The following OLFM2 variants were observed in gnomAD, a reference collection of about 807,000 sequenced individuals.
The protein encoded by OLFM2 is olfactomedin 2, also known as noelin-2.
In OLFM2, 20 loss-of-function variants were observed where a neutral mutation model predicts 43.9. That is an observed-to-expected ratio of 0.46 (90% CI 0.32 to 0.66). The LOEUF (loss-of-function observed/expected upper bound fraction) is 0.66. Ranked by LOEUF, OLFM2 falls within the 30% of genes least tolerant of loss-of-function variation. The probability of loss-of-function intolerance (pLI) is 0.04; values close to 1 mark genes in which losing one functional copy is unlikely to be tolerated. For missense variants in OLFM2, 416 were observed against 643.6 expected (o/e 0.65, Z 3.83); for synonymous variants, 268 against 278.6 (o/e 0.96, Z 0.38).
chr19:9,871,853 G>A (rs1351536619), intron 1 of OLFM2, among the ~76,000 whole-genome samples: 3 of 152,176 alleles, frequency 2.0e-5, no homozygotes, highest in Non-Finnish European at 2.9e-5. Context: ...CCTGGCACAA[G>A]GTATGTTTGT....
intron 1 of OLFM2, among the ~76,000 whole-genome samples, chr19:9,876,282 G>T (rs768199514): frequency 6.6e-6 from 1 of 152,146 alleles, no homozygotes; most frequent in South Asian, 2.1e-4. Flanking sequence ...GGAAAAGGTC[G>T]CCATGGGGGA....
At chr19:9,895,310 G>A (rs2046673771) in intron 1 of OLFM2, among the ~76,000 whole-genome samples, 1 of 151,850 alleles carries the variant, frequency 6.6e-6, no homozygotes, top group African/African-American at 2.4e-5. Flanking sequence ...CAACATACTA[G>A]GACCCTAACT....
intron 1 of OLFM2, among the ~76,000 whole-genome samples, chr19:9,924,301 G>C (rs1282042995): frequency 2.0e-5 from 3 of 146,604 alleles, no homozygotes; most frequent in South Asian, 2.1e-4. Flanking sequence ...AGCTATTCGG[G>C]AAGCTGAGGT....
intron 1 of OLFM2, among the ~76,000 whole-genome samples, chr19:9,916,375 G>A (rs761081734): frequency 6.6e-6 from 1 of 152,126 alleles, no homozygotes. Flanking sequence ...AAAAAAAGAT[G>A]AGTTCTTGCC....
At chr19:9,931,830 A>G (rs1055820782) in intron 1 of OLFM2, among the ~76,000 whole-genome samples, 9 of 152,280 alleles carry the variant, frequency 5.9e-5, no homozygotes, top group East Asian at 3.9e-4. Flanking sequence ...TGGTCTCCCA[A>G]AATGCTGGGA....
chr19:9,915,770 G>A (rs1023907927), intron 1 of OLFM2, among the ~76,000 whole-genome samples: 7 of 152,068 alleles, frequency 4.6e-5, no homozygotes, highest in East Asian at 1.9e-4. Flanking sequence ...TGCCCACCTC[G>A]GCCTCCCAAA....
chr19:9,889,381 T>G (rs1448077774), intron 1 of OLFM2, among the ~76,000 whole-genome samples: 1 of 152,104 alleles, frequency 6.6e-6, no homozygotes, highest in African/African-American at 2.4e-5. Flanking sequence ...CCCAAGTAGC[T>G]GGGACTACAG....
At chr19:9,858,693 C>A (rs552194287) in intron 2 of OLFM2, among the ~76,000 whole-genome samples, 237 of 152,356 alleles carry the variant, frequency 1.6e-3, no homozygotes, top group Middle Eastern at 3.4e-3. Flanking sequence ...CCACCTCCAC[C>A]TGGCTACGGT....
chr19:9,924,406 CA>C (rs1166738814), intron 1 of OLFM2, among the ~76,000 whole-genome samples: 315 of 25,778 alleles, frequency 0.012, no homozygotes, highest in African/African-American at 0.024. Context: ...ACTCTGTCTC[CA>C]AAAAAAAAAA....
intron 1 of OLFM2, among the ~76,000 whole-genome samples, chr19:9,928,713 G>A (rs1194557748): frequency 6.6e-6 from 1 of 151,980 alleles, no homozygotes; most frequent in African/African-American, 2.4e-5. Context: ...GCTGAGGCAT[G>A]AGAATTGCTT....
intron 1 of OLFM2, among the ~76,000 whole-genome samples, chr19:9,905,671 G>A (rs2046779978): frequency 6.6e-6 from 1 of 151,208 alleles, no homozygotes; most frequent in Non-Finnish European, 1.5e-5. Context: ...TGAGCCACTA[G>A]TGCTGAAGGG....
chr19:9,914,822 C>T (rs1232038961), intron 1 of OLFM2, among the ~76,000 whole-genome samples: 1 of 152,014 alleles, frequency 6.6e-6, no homozygotes, highest in Admixed American at 6.5e-5. Context: ...CACTCACGCC[C>T]CCTCCTGGCG....
At position 9,854,091 on chromosome 19, in the gene OLFM2, G is replaced by T; in HGVS notation, c.*95C>A. On this transcript the variant is annotated 3_prime_UTR_variant, in exon 6 of 6. Coordinates refer to ENST00000264833, the MANE Select transcript of OLFM2 (RefSeq NM_058164.4). The surrounding 1 kb of genome is among the most constrained non-coding windows in gnomAD (Gnocchi z 9.5). ...AGGCGGGGAGAAAGGGCGTGACAGA[G>T]ACAGAGAGATCACCCTTGAGGGACA... The T allele has an allele frequency of 1.8e-6, 2 of 1,131,086 alleles. No homozygotes were observed. The highest frequency in any genetic ancestry group is 1.3e-6 in the Non-Finnish European group (1 of 767,742). The allele number at this position is 1,131,086 out of a possible 1,614,324, so 70.1% of individuals were successfully genotyped here. A position where few individuals can be genotyped will look rare whatever the true frequency, so the allele number is the denominator to read the frequency against.
chr19:9,864,689 C>T (rs2046386849), intron 1 of OLFM2, among the ~76,000 whole-genome samples: 9 of 151,562 alleles, frequency 5.9e-5, no homozygotes, highest in Admixed American at 5.9e-4. Context: ...TGGTGCAATC[C>T]TAGCTTACTG....
intron 1 of OLFM2, among the ~76,000 whole-genome samples, chr19:9,911,587 G>A (rs1879483417): frequency 6.6e-6 from 1 of 152,124 alleles, no homozygotes; most frequent in Admixed American, 6.6e-5. Flanking sequence ...CACACTTGCA[G>A]TTATATGCAC....
chr19:9,932,835 C>T (rs115214929), intron 1 of OLFM2, among the ~76,000 whole-genome samples: 2,954 of 152,218 alleles, frequency 0.019, 91 homozygotes, highest in African/African-American at 0.068. Flanking sequence ...AACTGTCAAG[C>T]TCTCTGGTAG....
At chr19:9,915,740 A>T (rs940338062) in intron 1 of OLFM2, among the ~76,000 whole-genome samples, 2 of 151,948 alleles carry the variant, frequency 1.3e-5, no homozygotes, top group South Asian at 2.1e-4. Context: ...GGATGGTCTC[A>T]ATCTCCTGAC....
intron 1 of OLFM2, among the ~76,000 whole-genome samples, chr19:9,933,969 C>G (rs2086500012): frequency 6.6e-6 from 1 of 152,170 alleles, no homozygotes; most frequent in African/African-American, 2.4e-5. Flanking sequence ...TTTTCTGTCT[C>G]CTCTGCTAGG....
intron 1 of OLFM2, among the ~76,000 whole-genome samples, chr19:9,909,781 A>C (rs914744118): frequency 6.6e-6 from 1 of 152,164 alleles, no homozygotes; most frequent in African/African-American, 2.4e-5. Flanking sequence ...GTCCTGAGGA[A>C]GGTGAAATGG....
Sources: allele counts gnomAD v4.1 joint callset (sites outside exome capture counted in the v4.1 genomes callset), GRCh38; gene constraint gnomAD v4.1.1; non-coding constraint Gnocchi (gnomAD v3.1); transcripts MANE v1.5; gene names NCBI Gene and HGNC (gene_info 2026-07-23, HGNC 2026-07-21).